The following ZNF232 variants were observed in gnomAD, a reference collection of about 807,000 sequenced individuals.
ZNF232 encodes zinc finger and SCAN domain-containing protein 11.
ZNF232 carries 25 observed loss-of-function variants against 25.2 expected under a neutral mutation model. The observed-to-expected ratio is 0.99, with a 90% CI of 0.72 to 1.39. The LOEUF is 1.39. Ranked by LOEUF, ZNF232 falls within the 40% of genes most tolerant of loss-of-function variation. ZNF232 has a pLI of 0.00. For missense variants in ZNF232, 519 were observed against 520.9 expected, an observed-to-expected ratio of 1.00 and a Z score of 0.04; for synonymous variants, 193 against 182.9, an observed-to-expected ratio of 1.06 and a Z score of -0.45.
rs150391086 is a variant in ZNF232 at position 5,105,748 on chromosome 17, T to C, written c.*76A>G. 1.3e-4 allele frequency: 182 copies of C among 1,373,900 alleles called. No individual in the cohort carries two copies. In the Middle Eastern group the frequency reaches 3.6e-3, roughly 27 times the overall value. The allele number at this position is 1,373,900 out of a possible 1,614,324, so 85.1% of individuals were successfully genotyped here. On this transcript the variant is annotated 3_prime_UTR_variant, in exon 4 of 4. Coordinates refer to ENST00000575898, the Ensembl canonical transcript of ZNF232. ...CACAGGAAAAATCTTAAGGAACTTATAACTTTTATGGGATCCAGTCCTAAA... is the reference window on the plus strand; with the variant it reads ...CACAGGAAAAATCTTAAGGAACTTACAACTTTTATGGGATCCAGTCCTAAA...
At chr17:5,109,811 C>T (rs371362165) in exon 2 of ZNF232, 2 of 1,614,024 alleles carry the variant, frequency 1.2e-6, no homozygotes, top group African/African-American at 1.3e-5. Context: ...ATACAGCCAT[C>T]CTAGTCTGCA....
At chr17:5,120,879 T>C in intron 1 of ZNF232, 1 of 454,552 alleles carries the variant, frequency 2.2e-6, no homozygotes, top group Non-Finnish European at 4.4e-6. Context: ...CCACAGGCTG[T>C]CCCAGTTGGA....
chr17:5,111,946 G>A, upstream of ZNF232: 1 of 1,422,884 alleles, frequency 7.0e-7, no homozygotes. Context: ...TCCGTTCGCG[G>A]ACTTTGGCCC....
At chr17:5,106,381 A>G in exon 4 of ZNF232, 1 of 1,614,210 alleles carries the variant, frequency 6.2e-7, no homozygotes, top group Non-Finnish European at 8.5e-7. Flanking sequence ...GTACCCTCAG[A>G]GGTAGCTTCA....
At chr17:5,111,748 G>A (rs2072417885) in intron 1 of ZNF232, 52 bp downstream of exon 1, 23 of 1,612,694 alleles carry the variant, frequency 1.4e-5, no homozygotes, top group Middle Eastern at 1.6e-4. Flanking sequence ...TGCGGGACGG[G>A]CAAAAGCCAA....
At chr17:5,106,378 C>G (rs1163061777) in exon 4 of ZNF232, 1 of 1,614,114 alleles carries the variant, frequency 6.2e-7, no homozygotes, top group East Asian at 2.2e-5. Flanking sequence ...AAGGTACCCT[C>G]AGAGGTAGCT....
chr17:5,109,102 T>C, intron 2 of ZNF232, 50 bp from the exon 3 acceptor site: 1 of 1,611,930 alleles, frequency 6.2e-7, no homozygotes, highest in Non-Finnish European at 8.5e-7. Context: ...AAATTACTAG[T>C]GTGGTTTCTG....
chr17:5,115,683 A>G (rs2072518332), upstream of ZNF232, among the ~76,000 whole-genome samples: 2 of 152,124 alleles, frequency 1.3e-5, no homozygotes, highest in African/African-American at 2.4e-5. Flanking sequence ...AACCCCGGAG[A>G]AATTTCGTTT....
intron 1 of ZNF232, among the ~76,000 whole-genome samples, chr17:5,122,688 A>G (rs1369104920): frequency 6.6e-5 from 10 of 152,152 alleles, no homozygotes; most frequent in Non-Finnish European, 1.5e-4. Flanking sequence ...GAACAAAAGC[A>G]GCTGCCCGCG....
At chr17:5,106,122 A>C in exon 4 of ZNF232, 11 of 1,614,096 alleles carry the variant, frequency 6.8e-6, no homozygotes, top group Non-Finnish European at 9.3e-6. Context: ...ATGCTGACCG[A>C]GGTTTGAGCT....
intron 3 of ZNF232, among the ~76,000 whole-genome samples, chr17:5,108,401 AAG>A (rs34849489): frequency 0.027 from 4,051 of 152,222 alleles, 194 homozygotes; most frequent in African/African-American, 0.092. Context: ...GGGCACACAT[AAG>A]AGAGTTTCAG....
exon 4 of ZNF232, chr17:5,106,110 T>C (rs201796374): frequency 1.2e-6 from 2 of 1,614,236 alleles, no homozygotes; most frequent in South Asian, 1.1e-5. Flanking sequence ...ATGAATTCTC[T>C]GATGCTGACC....
intron 1 of ZNF232, 129 bp downstream of exon 1, chr17:5,111,671 A>G: frequency 6.8e-7 from 1 of 1,478,240 alleles, no homozygotes; most frequent in Non-Finnish European, 9.2e-7. Flanking sequence ...CGGGCAACCC[A>G]AACCCCTCTC....
At chr17:5,117,119 T>C (rs2072555464) in intron 1 of ZNF232, among the ~76,000 whole-genome samples, 1 of 152,248 alleles carries the variant, frequency 6.6e-6, no homozygotes, top group Admixed American at 6.5e-5. Context: ...ACTTTATTAA[T>C]GATTCTAATT....
Position 5,105,900 on chromosome 17 carries a change from C to T in ZNF232, c.1232G>A (p.Cys411Tyr), listed in dbSNP as rs780774376. 8.7e-6 allele frequency: 14 copies of T among 1,614,158 alleles called. No homozygotes were observed. In the East Asian group the frequency reaches 3.1e-4, roughly 36 times the overall value. The change falls in exon 4 of 4, where the codon TGT becomes TAT. Residue 411 changes from cysteine (C) to tyrosine (Y), a missense_variant. By Grantham distance (194) the Cys-to-Tyr change is radical. Coordinates refer to ENST00000575898, the Ensembl canonical transcript of ZNF232. ...TGAGCACCATCCATAAGCTTTCCCA[C>T]ATTCTTTACATATAAAAGGTTTCTC...
At chr17:5,122,438 A>G (rs994344645) in intron 1 of ZNF232, among the ~76,000 whole-genome samples, 9 of 152,186 alleles carry the variant, frequency 5.9e-5, no homozygotes, top group Non-Finnish European at 1.2e-4. Context: ...CTCCATGCTT[A>G]GTCACACGTT....
chr17:5,111,451 C>T (rs1230093487), intron 1 of ZNF232: 2 of 404,874 alleles, frequency 4.9e-6, no homozygotes, highest in Non-Finnish European at 8.9e-6. Flanking sequence ...CAGGGTGATG[C>T]CCGGCGCCGC....
At chr17:5,111,897 C>T, upstream of ZNF232, 2 of 1,593,810 alleles carry the variant, frequency 1.3e-6, no homozygotes, top group Non-Finnish European at 1.7e-6. Flanking sequence ...AGGTCGCAGC[C>T]TCGGCCTCCA....
At chr17:5,112,958 CA>C (rs149997081), upstream of ZNF232, among the ~76,000 whole-genome samples, 20,528 of 149,166 alleles carry the variant, frequency 0.14, 1,590 homozygotes, top group African/African-American at 0.21. Context: ...GACTCCGTCT[CA>C]AAAAAAAAAT....
Sources: allele counts gnomAD v4.1 joint callset (sites outside exome capture counted in the v4.1 genomes callset), GRCh38; gene constraint gnomAD v4.1.1; transcripts MANE v1.5; gene names NCBI Gene and HGNC (gene_info 2026-07-23, HGNC 2026-07-21).